The following ATIC variants were observed in gnomAD, a reference collection of about 807,000 sequenced individuals.
ATIC encodes the protein bifunctional purine biosynthesis protein ATIC.
Under a neutral mutation model 72.5 loss-of-function variants are expected in ATIC, and 64 were observed. That is an observed-to-expected ratio of 0.88 (90% CI 0.72 to 1.09). The LOEUF is 1.09. ATIC is among the 50% of genes least tolerant of loss of function. The pLI is 0.00. For synonymous variants in ATIC, 281 were observed against 267.1 expected (o/e 1.05, Z -0.51); for missense variants, 787 against 732.4 (o/e 1.07, Z -0.86).
intron 2 of ATIC, among the ~76,000 whole-genome samples, chr2:215,316,696 T>C (rs2052713431): frequency 6.6e-6 from 1 of 152,252 alleles, no homozygotes; most frequent in Non-Finnish European, 1.5e-5. Flanking sequence ...TTTATAAGCA[T>C]GTACTTTATT....
chr2:215,339,987 G>A (rs1031378172), intron 12 of ATIC, among the ~76,000 whole-genome samples: 1 of 147,120 alleles, frequency 6.8e-6, no homozygotes, highest in Admixed American at 6.8e-5. Context: ...TTTGAAGCTC[G>A]CTCTGTTTGA....
At chr2:215,362,212 C>A in the ATIC span, 1 of 705,844 alleles carries the variant, frequency 1.4e-6, no homozygotes, top group Non-Finnish European at 2.6e-6. Flanking sequence ...ACTAAGCAAG[C>A]TTTGATGATG....
chr2:215,350,428 C>T (rs1423795945), downstream of ATIC, among the ~76,000 whole-genome samples: 2 of 152,178 alleles, frequency 1.3e-5, no homozygotes, highest in African/African-American at 2.4e-5. Flanking sequence ...CCACCGTGCC[C>T]GGCCCTCATG....
intron 9 of ATIC, among the ~76,000 whole-genome samples, chr2:215,333,858 C>T (rs928537251): frequency 5.3e-5 from 8 of 151,688 alleles, no homozygotes; most frequent in Admixed American, 1.3e-4. Flanking sequence ...CTGGCTAACA[C>T]GGTGAAACCC....
At chr2:215,321,869 G>C (rs942390602) in intron 4 of ATIC, among the ~76,000 whole-genome samples, 1 of 152,110 alleles carries the variant, frequency 6.6e-6, no homozygotes, top group Non-Finnish European at 1.5e-5. Context: ...TCTATGGATT[G>C]TGTTAGCCTT....
downstream of ATIC, among the ~76,000 whole-genome samples, chr2:215,352,341 G>A (rs1041024119): frequency 6.6e-6 from 1 of 152,152 alleles, no homozygotes; most frequent in Non-Finnish European, 1.5e-5. Flanking sequence ...CAGCACTTTG[G>A]GAGGCCGAGG....
chr2:215,346,706 G>A, intron 13 of ATIC, 53 bp from the exon 14 acceptor site: 1 of 1,591,644 alleles, frequency 6.3e-7, no homozygotes, highest in Non-Finnish European at 8.6e-7. Flanking sequence ...AGATCCTTTT[G>A]AGAAGAAAGT....
the ATIC span, among the ~76,000 whole-genome samples, chr2:215,357,434 G>C: frequency 6.6e-6 from 1 of 152,164 alleles, no homozygotes; most frequent in Non-Finnish European, 1.5e-5. Context: ...CTGTTTTAGA[G>C]ATAAATTTGG....
chr2:215,362,897 G>A, the ATIC span: 7 of 152,452 alleles, frequency 4.6e-5, no homozygotes, highest in Non-Finnish European at 8.8e-5. Context: ...GAGCAAGAGG[G>A]AGTCCGGGCG....
the ATIC span, chr2:215,361,309 T>G: frequency 2.1e-6 from 1 of 472,158 alleles, no homozygotes; most frequent in Non-Finnish European, 3.8e-6. Context: ...TTTAAAATAC[T>G]GAGCGGTATT....
At chr2:215,361,674 A>G in the ATIC span, 3 of 1,399,334 alleles carry the variant, frequency 2.1e-6, no homozygotes, top group Non-Finnish European at 3.0e-6. Context: ...AATACTGTAA[A>G]GTGTACAGAA....
rs1451112233 is a variant in ATIC at position 215,346,895 on chromosome 2, A to C, written c.1457A>C (p.Glu486Ala). The change falls in exon 14 of 16, where the codon GAA (glutamate) becomes GCA (alanine). Residue 486 changes from glutamate to alanine, a missense_variant. By Grantham distance (107) the Glu-to-Ala change is moderately radical. Transcript: ENST00000236959. ...TTTAAAACAGGAGTGAAGAGAGCAG[A>C]AATCTCCAATGCCATCGATCAATAT... is the stretch of plus-strand genomic sequence containing the variant. Reference protein sequence around the residue: ...MKFKTGVKRAEISNAIDQYVT... With the variant: ...MKFKTGVKRAAISNAIDQYVT... 2 of 1,614,102 alleles carry C rather than the reference A, an allele frequency of 1.2e-6. No individual in the cohort carries two copies. Among genetic ancestry groups the C allele is most frequent in the African/African-American group, 2.7e-5 (2 of 74,948 alleles).
At chr2:215,323,240 C>T (rs1284356499) in intron 4 of ATIC, among the ~76,000 whole-genome samples, 2 of 152,290 alleles carry the variant, frequency 1.3e-5, no homozygotes, top group Admixed American at 6.5e-5. Context: ...CCACTGCGCC[C>T]GGCCCCAACT....
intron 5 of ATIC, among the ~76,000 whole-genome samples, chr2:215,325,603 C>T (rs2052814434): frequency 1.3e-5 from 2 of 151,748 alleles, no homozygotes; most frequent in Non-Finnish European, 2.9e-5. Flanking sequence ...TGCTGTGTCA[C>T]CCAGGCTGGA....
the ATIC span, among the ~76,000 whole-genome samples, chr2:215,356,315 A>G: frequency 6.6e-6 from 1 of 152,214 alleles, no homozygotes; most frequent in African/African-American, 2.4e-5. Flanking sequence ...ATTTATGGAT[A>G]ATTTTGTTTC....
Position 215,336,081 on chromosome 2 carries a change from C to T in ATIC, c.1055C>T (p.Thr352Ile), listed in dbSNP as rs762674673. The change falls in exon 11 of 16, where the codon ACA becomes ATA. Residue 352 changes from threonine (T) to isoleucine (I), a missense_variant. Physicochemically the swap from Thr to Ile is moderately conservative, Grantham distance 89 (BLOSUM62 -1). Coordinates refer to ENST00000236959, the MANE Select transcript of ATIC (RefSeq NM_004044.7). ...CCAGGATATGAAGAAGAAGCCTTGA[C>T]AATACTTTCCAAAAAGAAAAATGGA... ...IAPGYEEEAL[T>I]ILSKKKNGNY... The T allele has an allele frequency of 2.5e-6, 4 of 1,613,250 alleles. No homozygotes were observed. Among genetic ancestry groups the T allele is most frequent in the Non-Finnish European group, 3.4e-6 (4 of 1,179,462 alleles).
chr2:215,348,984 A>T (rs917233105), intron 14 of ATIC, 110 bp from the exon 15 acceptor site: 5 of 986,052 alleles, frequency 5.1e-6, no homozygotes, highest in South Asian at 2.1e-5. Flanking sequence ...ATAATAATAA[A>T]AACAAGTCCT....
chr2:215,346,755 T>C lies in ATIC; in HGVS notation c.1321-4T>C. ...GTGTTCACTTTAATGTCTGTGTTCC[T>C]CAGGTTATCGGCATTGGAGCAGGAC... On this transcript the variant is annotated splice_polypyrimidine_tract_variant and splice_region_variant and intron_variant, in intron 13 of 15. Transcript: ENST00000236959. 1 of 1,614,096 alleles carries C rather than the reference T, an allele frequency of 6.2e-7. No homozygotes were observed. The highest frequency in any genetic ancestry group is 8.5e-7 in the Non-Finnish European group (1 of 1,179,974).
At chr2:215,313,700 C>T (rs1250881124) in intron 2 of ATIC, among the ~76,000 whole-genome samples, 4 of 152,084 alleles carry the variant, frequency 2.6e-5, no homozygotes, top group Non-Finnish European at 5.9e-5. Context: ...TTGTGCAGTT[C>T]CCAGCTATGT....
Sources: allele counts gnomAD v4.1 joint callset (sites outside exome capture counted in the v4.1 genomes callset), GRCh38; gene constraint gnomAD v4.1.1; transcripts MANE v1.5; gene names NCBI Gene and HGNC (gene_info 2026-07-23, HGNC 2026-07-21).